HCRTR1: variants seen among roughly 807,000 people sequenced by gnomAD.
HCRTR1 encodes the protein hypocretin receptor 1.
Under a neutral mutation model 40.6 loss-of-function variants are expected in HCRTR1, and 28 were observed. The observed-to-expected ratio is 0.69, with a 90% confidence interval of 0.51 to 0.95. The LOEUF (loss-of-function observed/expected upper bound fraction) is 0.95, where lower values mean the gene tolerates loss of function less well. Ranked by LOEUF, HCRTR1 falls within the 40% of genes least tolerant of loss-of-function variation. The pLI, the probability that HCRTR1 is intolerant of heterozygous loss-of-function variation, is 0.00. For synonymous variants in HCRTR1, 209 were observed against 230.0 expected (o/e 0.91, Z 0.83); for missense variants, 482 against 564.7 (o/e 0.85, Z 1.48).
Position 31,625,518 on chromosome 1 carries a change from A to C in HCRTR1, c.1087+400A>C, listed in dbSNP as rs1174602823. The stretch of plus-strand genomic sequence containing the variant: ...CCCTGGAGCCCCTGCCCGAGGAAGG[A>C]TTGCACAGTCCAGGTGTCAGGGCTA... On this transcript the variant is annotated intron_variant, in intron 8 of 8. Transcript: ENST00000403528. The surrounding 1 kb of genome is among the most constrained non-coding windows in gnomAD (Gnocchi z 4.2). 1.3e-5 allele frequency among the ~76,000 whole-genome samples: 2 copies of C among 152,182 alleles called. No individual in the cohort carries two copies. The highest frequency in any genetic ancestry group is 4.8e-5 in the African/African-American group (2 of 41,452).
chr1:31,633,266 G>C, downstream of HCRTR1: 1 of 1,613,954 alleles, frequency 6.2e-7, no homozygotes. Flanking sequence ...TGAGTCCACC[G>C]ACTGGAACCA....
Position 31,626,041 on chromosome 1 carries a change from T to C in HCRTR1, c.1088-749T>C, listed in dbSNP as rs942534875. Among the ~76,000 whole-genome samples the C allele has an allele frequency of 6.6e-6, 1 of 152,202 alleles. No homozygotes were observed. The highest frequency in any genetic ancestry group is 2.4e-5 in the African/African-American group (1 of 41,460). ...ACTTACTGACACATATGCCTTTGTT[T>C]GGCCTATGTTTACTGAGCACCTACT... On this transcript the variant is annotated intron_variant, in intron 8 of 8. Transcript: ENST00000403528. This position sits in a 1 kb window ranked among gnomAD's most constrained non-coding sequence, Gnocchi z 4.6.
At chr1:31,628,475 T>G (rs1640020997), downstream of HCRTR1, among the ~76,000 whole-genome samples, 1 of 152,120 alleles carries the variant, frequency 6.6e-6, no homozygotes, top group Admixed American at 6.5e-5. Context: ...AGTGCATAGG[T>G]AGGCTTGGAG....
At chr1:31,630,606 G>A (rs375058475), downstream of HCRTR1, 12 of 1,611,586 alleles carry the variant, frequency 7.4e-6, 1 homozygote, top group South Asian at 5.5e-5. Context: ...CTCCACAGAT[G>A]GTTGGGTCAT....
At chr1:31,623,813 C>A in intron 7 of HCRTR1, 64 bp downstream of exon 7, 3 of 1,280,518 alleles carry the variant, frequency 2.3e-6, no homozygotes, top group South Asian at 1.4e-5. Flanking sequence ...GCTCTCCTTG[C>A]TTGGGAGAAA....
intron 1 of HCRTR1, among the ~76,000 whole-genome samples, chr1:31,618,289 ACC>A (rs1225462995): frequency 6.6e-6 from 1 of 151,914 alleles, no homozygotes; most frequent in Non-Finnish European, 1.5e-5. Flanking sequence ...ATGGAGAGCG[ACC>A]CGCGCGCCGG....
intron 5 of HCRTR1, among the ~76,000 whole-genome samples, 159 bp from the exon 6 acceptor site, chr1:31,621,318 T>C (rs951040823): frequency 6.6e-6 from 1 of 151,410 alleles, no homozygotes; most frequent in African/African-American, 2.4e-5. Context: ...ACAACCCAAG[T>C]TGGACAACTC....
downstream of HCRTR1, chr1:31,632,540 C>T: frequency 6.2e-7 from 1 of 1,614,244 alleles, no homozygotes; most frequent in South Asian, 1.1e-5. Context: ...CGGTCCCGGT[C>T]ATACTGCTGG....
In HCRTR1 at chr1:31,627,395, G is replaced by A. The variant is rs1640004007; in HGVS notation, c.*415G>A. 7.9e-7 allele frequency: 1 copy of A among 1,266,012 alleles called. No homozygotes were observed. The highest frequency in any genetic ancestry group is 1.5e-5 in the African/African-American group (1 of 65,634). 78.4% of individuals were successfully genotyped at this position (1,266,012 alleles called of 1,614,324 possible). A position where few individuals can be genotyped will look rare whatever the true frequency, so the allele number is the denominator to read the frequency against. On this transcript the variant is annotated 3_prime_UTR_variant, in exon 9 of 9. Coordinates refer to ENST00000403528, the MANE Select transcript of HCRTR1 (RefSeq NM_001525.3). ...TGTTCCATGGCTCCCTGAAGCCCAG[G>A]GCTGCACTTGGCCAGCTGTTCTGAT...
chr1:31,619,023 C>A, intron 2 of HCRTR1, 28 bp from the exon 3 acceptor site: 1 of 602,036 alleles, frequency 1.7e-6, no homozygotes. Flanking sequence ...TCTCTTTTCC[C>A]ACTCCCTCCT....
intron 6 of HCRTR1, among the ~76,000 whole-genome samples, chr1:31,623,285 A>G (rs1392045002): frequency 3.1e-5 from 4 of 128,290 alleles, no homozygotes; most frequent in African/African-American, 9.0e-5. Context: ...GACAAGAGTG[A>G]AATGCCATCT....
chr1:31,633,024 C>T, downstream of HCRTR1: 1 of 1,091,850 alleles, frequency 9.2e-7, no homozygotes, highest in South Asian at 1.7e-5. Flanking sequence ...TCACCCTGAA[C>T]CTAGCTTCCT....
At chr1:31,631,616 T>A (rs1640105625), downstream of HCRTR1, among the ~76,000 whole-genome samples, 1 of 152,150 alleles carries the variant, frequency 6.6e-6, no homozygotes, top group Admixed American at 6.5e-5. Flanking sequence ...CATTGAAGGG[T>A]GTGGAATTAT....
Position 31,623,746 on chromosome 1 carries a change from A to G in HCRTR1, c.962A>G (p.Lys321Arg). 6.2e-7 allele frequency: 1 copy of G among 1,612,420 alleles called. No homozygotes were observed. The highest frequency in any genetic ancestry group is 2.2e-5 in the East Asian group (1 of 44,860). Reference sequence around the variant, plus strand: ...CCCATCAGCGTCCTCAATGTCCTTAAGAGGTGAGAGCACGGGGTATGGTTG... The same window carrying G: ...CCCATCAGCGTCCTCAATGTCCTTAGGAGGTGAGAGCACGGGGTATGGTTG... ...YLPISVLNVL[K>R]RVFGMFRQAS... Residue 321 changes from lysine (K) to arginine (R), a missense_variant, in exon 7 of 9, where the codon AAG becomes AGG. Transcript: ENST00000403528.
chr1:31,622,682 T>G (rs1275082506), intron 6 of HCRTR1, among the ~76,000 whole-genome samples: 1 of 152,170 alleles, frequency 6.6e-6, no homozygotes, highest in Non-Finnish European at 1.5e-5. Flanking sequence ...TGCCCCTCTG[T>G]GGTGGGTGAT....
At position 31,625,043 on chromosome 1, in the gene HCRTR1, G is replaced by C. The variant is rs769086072; in HGVS notation, c.1012G>C (p.Ala338Pro). ...AGCCAGTGACCGCGAAGCTGTCTAC[G>C]CCTGCTTCACCTTCTCCCACTGGCT... ...RQASDREAVY[A>P]CFTFSHWLVY... is the part of the protein sequence containing the mutation. Residue 338 changes from alanine to proline, a missense_variant, in exon 8 of 9, where the codon GCC becomes CCC. Ala to Pro is a conservative substitution (Grantham distance 27). Coordinates refer to ENST00000403528, the MANE Select transcript of HCRTR1 (RefSeq NM_001525.3). The surrounding 1 kb of genome is among the most constrained non-coding windows in gnomAD (Gnocchi z 4.2). The C allele has an allele frequency of 6.2e-7, 1 of 1,612,876 alleles. No homozygotes were observed. Among genetic ancestry groups the C allele is most frequent in the Non-Finnish European group, 8.5e-7 (1 of 1,179,388 alleles).
Position 31,626,451 on chromosome 1 carries a change from G to A in HCRTR1, c.1088-339G>A, listed in dbSNP as rs955018996. On this transcript the variant is annotated intron_variant, in intron 8 of 8. Transcript: ENST00000403528. The surrounding 1 kb of genome is among the most constrained non-coding windows in gnomAD (Gnocchi z 4.6). ...AAAGGGCAGAGAGGACACAAGCCTC[G>A]CAACAGATAGTGACCCCCACGTACA... is the stretch of plus-strand genomic sequence containing the variant. 2.0e-5 allele frequency among the ~76,000 whole-genome samples: 3 copies of A among 152,178 alleles called. No homozygotes were observed. Among genetic ancestry groups the A allele is most frequent in the Non-Finnish European group, 4.4e-5 (3 of 68,038 alleles).
At chr1:31,629,405 G>C (rs556019990), downstream of HCRTR1, among the ~76,000 whole-genome samples, 1 of 152,342 alleles carries the variant, frequency 6.6e-6, no homozygotes, top group East Asian at 1.9e-4. Context: ...TTGAAATGTG[G>C]TCAGCTCATT....
chr1:31,621,507 GCTT>G lies in HCRTR1; in HGVS notation c.657_659del (p.Phe220del). The stretch of plus-strand genomic sequence containing the variant: ...CTCTATCCCAAGATCTACCACAGTT[GCTT>G]CTTTATTGTCACCTACCTGGCCCCA... On this transcript the variant is annotated inframe_deletion, in exon 6 of 9. Transcript: ENST00000403528. The G allele has an allele frequency of 1.2e-6, 2 of 1,614,000 alleles. No individual in the cohort carries two copies. The highest frequency in any genetic ancestry group is 2.2e-5 in the South Asian group (2 of 91,092).
Sources: allele counts gnomAD v4.1 joint callset (sites outside exome capture counted in the v4.1 genomes callset), GRCh38; gene constraint gnomAD v4.1.1; non-coding constraint Gnocchi (gnomAD v3.1); transcripts MANE v1.5; gene names NCBI Gene and HGNC (gene_info 2026-07-23, HGNC 2026-07-21).